Variants in RCC1L observed in about 807,000 individuals in gnomAD.
The protein encoded by RCC1L is RCC1 like.
In RCC1L, 46 loss-of-function variants were observed where a neutral mutation model predicts 58.6. That is an observed-to-expected ratio of 0.79 (90% CI 0.62 to 1.00). RCC1L has a LOEUF of 1.00. RCC1L is among the 50% of genes least tolerant of loss of function. The pLI is 0.00. For synonymous variants in RCC1L, 281 were observed against 262.9 expected (o/e 1.07, Z -0.67); for missense variants, 636 against 623.6 (o/e 1.02, Z -0.21).
chr7:75,065,509 C>T (rs6958672), intron 3 of RCC1L, among the ~76,000 whole-genome samples: 2,907 of 152,096 alleles, frequency 0.019, 86 homozygotes, highest in African/African-American at 0.065. Context: ...GAGCTGAGAT[C>T]GTGCCACTGC....
In RCC1L at chr7:75,057,623, CA is replaced by C; in HGVS notation, c.970-8del. 1 of 1,613,648 alleles carries C rather than the reference CA, an allele frequency of 6.2e-7. No homozygotes were observed. Among genetic ancestry groups the C allele is most frequent in the Non-Finnish European group, 8.5e-7 (1 of 1,179,732 alleles). On this transcript the variant is annotated splice_region_variant and splice_polypyrimidine_tract_variant and intron_variant, in intron 7 of 10. Coordinates refer to ENST00000610322, the MANE Select transcript of RCC1L (RefSeq NM_030798.5). Reference sequence around the variant, plus strand: ...AGCAGCGGGGCACATTCACCTGAACCAAAGAAAGGAGCCACACTGTTAGGAA... The same window carrying C: ...AGCAGCGGGGCACATTCACCTGAACCAAGAAAGGAGCCACACTGTTAGGAA...
At chr7:75,050,751 G>A (rs1414310912) in intron 10 of RCC1L, among the ~76,000 whole-genome samples, 1 of 152,104 alleles carries the variant, frequency 6.6e-6, no homozygotes, top group African/African-American at 2.4e-5. Context: ...AAGCCGGCAA[G>A]CCCCACCACC....
chr7:75,070,684 T>C lies in RCC1L; in HGVS notation c.410A>G (p.Asn137Ser), dbSNP rs1806691982. The C allele has an allele frequency of 6.2e-7, 1 of 1,614,140 alleles. No individual in the cohort carries two copies. Among genetic ancestry groups the C allele is most frequent in the Non-Finnish European group, 8.5e-7 (1 of 1,180,020 alleles). The change falls in exon 2 of 11, where the codon AAC becomes AGC. Residue 137 changes from asparagine to serine, a missense_variant. Asn to Ser is a conservative substitution (Grantham distance 46). Coordinates refer to ENST00000610322, the MANE Select transcript of RCC1L (RefSeq NM_030798.5). ...DVTKVWGMGL[N>S]KDSQLGFHRS... ...GTGAAATCCAAGCTGAGAATCTTTGTTGAGTCCCATCCCCCAGACTTTCGT... is the reference window on the plus strand; with the variant it reads ...GTGAAATCCAAGCTGAGAATCTTTGCTGAGTCCCATCCCCCAGACTTTCGT...
intron 10 of RCC1L, among the ~76,000 whole-genome samples, chr7:75,051,971 A>T (rs974266337): frequency 6.6e-6 from 1 of 152,116 alleles, no homozygotes; most frequent in Non-Finnish European, 1.5e-5. Context: ...TGTACCATGA[A>T]CATATGTTTC....
chr7:75,045,863 CT>C (rs1285140074), intron 10 of RCC1L, among the ~76,000 whole-genome samples: 1 of 152,238 alleles, frequency 6.6e-6, no homozygotes, highest in Non-Finnish European at 1.5e-5. Context: ...CCCTGCCTGG[CT>C]TGGCCGGAAG....
chr7:75,037,714 C>T (rs1805459270), downstream of RCC1L, among the ~76,000 whole-genome samples: 1 of 151,686 alleles, frequency 6.6e-6, no homozygotes, highest in Non-Finnish European at 1.5e-5. Context: ...CAGTCTCAGA[C>T]TGGTCAGACT....
chr7:75,061,389 G>A lies in RCC1L; in HGVS notation c.703-98C>T, dbSNP rs960640752. The A allele has an allele frequency of 5.7e-5, 56 of 985,484 alleles. No homozygotes were observed. The Admixed American group carries it at 9.5e-4, about 17-fold the overall frequency. The allele number at this position is 985,484 out of a possible 1,614,324, so 61.0% of individuals were successfully genotyped here. A position where few individuals can be genotyped will look rare whatever the true frequency, so the allele number is the denominator to read the frequency against. Reference sequence around the variant, plus strand: ...CCAGCACCATCGCCTGCCGCTCCTGGGCACCTGGAGCATGGTCCAGGCAGA... The same window carrying A: ...CCAGCACCATCGCCTGCCGCTCCTGAGCACCTGGAGCATGGTCCAGGCAGA... On this transcript the variant is annotated intron_variant, in intron 5 of 10. Coordinates refer to ENST00000610322, the MANE Select transcript of RCC1L (RefSeq NM_030798.5).
In RCC1L at chr7:75,058,690, G is replaced by A. The variant is rs1806165066; in HGVS notation, c.867C>T (p.Ala289=). The A allele has an allele frequency of 1.9e-6, 3 of 1,613,844 alleles. No homozygotes were observed. In the Admixed American group the frequency reaches 5.0e-5, roughly 27 times the overall value. The change falls in exon 7 of 11, where the codon GCC becomes GCT. Residue 289 remains alanine (A), a synonymous_variant. Transcript: ENST00000610322. ...DLAGVNVIQV[A]TYGDCCLAVS... is the part of the protein sequence containing the mutation. ...CGGCCAGGCAGCAATCACCGTAGGTGGCAACTTGGATAACGTTCACTCCCG... is the reference window on the plus strand; with the variant it reads ...CGGCCAGGCAGCAATCACCGTAGGTAGCAACTTGGATAACGTTCACTCCCG...
At chr7:75,066,055 C>A (rs1554445065) in intron 3 of RCC1L, among the ~76,000 whole-genome samples, 1 of 150,606 alleles carries the variant, frequency 6.6e-6, no homozygotes, top group African/African-American at 2.4e-5. Context: ...CTACACACCA[C>A]CCAGCTCAGG....
chr7:75,033,237 G>A (rs1254311972), intron 10 of RCC1L, among the ~76,000 whole-genome samples: 1 of 152,140 alleles, frequency 6.6e-6, no homozygotes, highest in African/African-American at 2.4e-5. Flanking sequence ...GGGATGCAGT[G>A]CTAGGATGGA....
chr7:75,055,615 A>G (rs1405631658), intron 9 of RCC1L: 4 of 449,046 alleles, frequency 8.9e-6, no homozygotes, highest in Non-Finnish European at 1.7e-5. Flanking sequence ...CGTACTAGCA[A>G]TGCCCCTTCC....
intron 10 of RCC1L, among the ~76,000 whole-genome samples, chr7:75,048,373 AC>A (rs1345777008): frequency 6.6e-6 from 1 of 151,678 alleles, no homozygotes; most frequent in Admixed American, 6.6e-5. Context: ...GTGTCTCCAG[AC>A]CCCACCGGTC....
In RCC1L at chr7:75,073,473, C is replaced by T; in HGVS notation, c.265G>A (p.Gly89Ser). The change falls in exon 1 of 11, where the codon GGC becomes AGC. Residue 89 changes from glycine (G) to serine (S), a missense_variant. Transcript: ENST00000610322. ...TGGATCCTGCGGCGCGGTCGGGCGC[C>T]GGCGCGGGGCCCGGGCCCGGAGCTG... ...VPSSGPGPRA[G>S]ARPRRRIQPV... 7.2e-7 allele frequency: 1 copy of T among 1,379,980 alleles called. No individual in the cohort carries two copies. 85.5% of individuals were successfully genotyped at this position (1,379,980 alleles called of 1,614,324 possible).
In RCC1L at chr7:75,042,969, T is replaced by G; in HGVS notation, c.*63A>C. On this transcript the variant is annotated 3_prime_UTR_variant, in exon 11 of 11. Coordinates refer to ENST00000610322, the MANE Select transcript of RCC1L (RefSeq NM_030798.5). ...GAACCCCGGGGGGCTGGCCACGCGC[T>G]GGCCTCTGCCAAGGAGTGCCAGTGG... 6.2e-7 allele frequency: 1 copy of G among 1,613,116 alleles called. No homozygotes were observed. The highest frequency in any genetic ancestry group is 8.5e-7 in the Non-Finnish European group (1 of 1,179,474).
At chr7:75,053,458 T>C (rs1805983057) in intron 9 of RCC1L, among the ~76,000 whole-genome samples, 2 of 152,172 alleles carry the variant, frequency 1.3e-5, no homozygotes, top group Admixed American at 1.3e-4. Context: ...GGATTGATTG[T>C]CCATATCTTG....
chr7:75,061,198 G>C lies in RCC1L; in HGVS notation c.787+9C>G. The C allele has an allele frequency of 1.9e-6, 3 of 1,612,836 alleles. No individual in the cohort carries two copies. The highest frequency in any genetic ancestry group is 1.1e-5 in the South Asian group (1 of 91,038). Reference sequence around the variant, plus strand: ...GTTTCACGACCCCAGTGCATGAAAAGAACTCTACCTGTTTGCCCATCAGCA... The same window carrying C: ...GTTTCACGACCCCAGTGCATGAAAACAACTCTACCTGTTTGCCCATCAGCA... On this transcript the variant is annotated intron_variant, in intron 6 of 10. Transcript: ENST00000610322.
Position 75,053,287 on chromosome 7 carries a change from T to C in RCC1L, c.1232-491A>G, listed in dbSNP as rs1584494804. On this transcript the variant is annotated intron_variant, in intron 9 of 10. Transcript: ENST00000610322. ...GGTGCATGGAGCTGGGGTCTGGGGG[T>C]GGTGCACGGGGCTGGAGGTCACTGA... Among the ~76,000 whole-genome samples the C allele has an allele frequency of 2.8e-5, 4 of 141,920 alleles. 1 individual carries two copies. The South Asian group carries it at 9.4e-4, about 33-fold the overall frequency. The allele number at this position is 141,920 out of a possible 152,430, so 93.1% of individuals were successfully genotyped here.
intron 10 of RCC1L, among the ~76,000 whole-genome samples, chr7:75,034,214 C>T (rs1805384139): frequency 6.6e-6 from 1 of 152,046 alleles, no homozygotes; most frequent in Non-Finnish European, 1.5e-5. Context: ...GGAGGACAGC[C>T]GAGAAAGAAA....
At chr7:75,046,555 T>A (rs1218436434) in intron 10 of RCC1L, among the ~76,000 whole-genome samples, 1 of 152,106 alleles carries the variant, frequency 6.6e-6, no homozygotes, top group Non-Finnish European at 1.5e-5. Flanking sequence ...AGCGGGAGGC[T>A]CCCCAAGGTT....
Sources: gnomAD v4.1 joint callset for allele counts (sites outside exome capture counted in the v4.1 genomes callset) on GRCh38, gnomAD v4.1.1 for gene constraint, MANE v1.5 for transcripts, NCBI Gene and HGNC (gene_info 2026-07-23, HGNC 2026-07-21) for gene names.